MROH2B: variants seen among roughly 807,000 people sequenced by gnomAD.
The protein encoded by MROH2B is maestro heat like repeat family member 2B.
Under a neutral mutation model 208.6 loss-of-function variants are expected in MROH2B, and 177 were observed. The ratio of observed to expected loss-of-function variants is 0.85; its 90% confidence interval spans 0.75 to 0.96. The LOEUF (loss-of-function observed/expected upper bound fraction) is 0.96. MROH2B is among the 40% of genes least tolerant of loss of function. MROH2B has a pLI of 0.00. For synonymous variants in MROH2B, 728 were observed against 659.0 expected (o/e 1.10, Z -1.60); for missense variants, 2,002 against 1,878.7 (o/e 1.07, Z -1.21).
intron 35 of MROH2B, 137 bp from the exon 36 acceptor site, chr5:41,005,057 C>A: frequency 8.3e-7 from 1 of 1,206,808 alleles, no homozygotes; most frequent in Non-Finnish European, 1.1e-6. Context: ...CTCTGGTGAA[C>A]CAGCAAGCCT....
At chr5:41,002,311 T>C (rs1741422554) in intron 37 of MROH2B, among the ~76,000 whole-genome samples, 1 of 152,168 alleles carries the variant, frequency 6.6e-6, no homozygotes. Context: ...TCTAGTCCAA[T>C]GTCCTCATGT....
At chr5:41,032,632 G>A in intron 24 of MROH2B, 110 bp downstream of exon 24, 1 of 843,972 alleles carries the variant, frequency 1.2e-6, no homozygotes, top group Non-Finnish European at 1.9e-6. Context: ...AATGAACTGT[G>A]TTCAGTTTTG....
At position 41,018,881 on chromosome 5, in the gene MROH2B, A is replaced by T. The variant is rs754499181; in HGVS notation, c.2577+2T>A. On this transcript the variant is annotated splice_donor_variant, in intron 25 of 41. Transcript: ENST00000399564. LOFTEE classifies it high-confidence loss of function. ...TCCTACTTAGGCCTCACTAGTGCAT[A>T]CTTGAATGTGCTCCTTGTCCTTGTC... 1.2e-6 allele frequency: 2 copies of T among 1,613,786 alleles called. No homozygotes were observed. Among genetic ancestry groups the T allele is most frequent in the African/African-American group, 2.7e-5 (2 of 74,924 alleles).
At chr5:41,067,057 G>T in intron 3 of MROH2B, 51 bp downstream of exon 3, 2 of 980,360 alleles carry the variant, frequency 2.0e-6, no homozygotes, top group South Asian at 1.4e-5. Context: ...GTCCACATGG[G>T]TGCAGTTGGG....
At chr5:41,065,285 G>T in intron 4 of MROH2B, 46 bp downstream of exon 4, 1 of 1,551,302 alleles carries the variant, frequency 6.4e-7, no homozygotes, top group Admixed American at 1.9e-5. Flanking sequence ...TAGACAATTA[G>T]AAGTTGTCAT....
intron 24 of MROH2B, among the ~76,000 whole-genome samples, chr5:41,024,239 C>T (rs1742265116): frequency 6.6e-6 from 1 of 152,128 alleles, no homozygotes; most frequent in African/African-American, 2.4e-5. Flanking sequence ...CACAGACTGG[C>T]AAATTGGATA....
chr5:41,071,104 TG>T lies in MROH2B; in HGVS notation c.-253del. ...TCTGAACTCCTGCTAACCAACAAAA[TG>T]GCTGCATCTCACCAAATATTGTCCC... On this transcript the variant is annotated 5_prime_UTR_variant, in exon 1 of 42. An upstream open reading frame in the 5' UTR gains an earlier in-frame stop. Coordinates refer to ENST00000399564, the MANE Select transcript of MROH2B (RefSeq NM_173489.5). 2.3e-6 allele frequency: 1 copy of T among 438,370 alleles called. No homozygotes were observed. Among genetic ancestry groups the T allele is most frequent in the South Asian group, 4.1e-5 (1 of 24,580 alleles). 27.2% of individuals were successfully genotyped at this position (438,370 alleles called of 1,614,324 possible).
chr5:41,025,327 A>T (rs1742314785), intron 24 of MROH2B, among the ~76,000 whole-genome samples: 1 of 152,170 alleles, frequency 6.6e-6, no homozygotes, highest in Non-Finnish European at 1.5e-5. Context: ...AATCAAACAG[A>T]CACAATAAAA....
intron 10 of MROH2B, among the ~76,000 whole-genome samples, chr5:41,055,501 C>A (rs1309200784): frequency 7.9e-6 from 1 of 126,886 alleles, no homozygotes; most frequent in East Asian, 2.6e-4. Flanking sequence ...CTTTAATTCT[C>A]AAAAATTCTA....
intron 39 of MROH2B, 65 bp from the exon 40 acceptor site, chr5:40,999,844 T>C (rs1741329411): frequency 3.5e-6 from 5 of 1,448,804 alleles, no homozygotes; most frequent in Admixed American, 3.6e-5. Context: ...TTTGGCATCC[T>C]ATAGGTCCTC....
At chr5:41,001,349 C>T (rs1741390816) in intron 37 of MROH2B, among the ~76,000 whole-genome samples, 1 of 152,110 alleles carries the variant, frequency 6.6e-6, no homozygotes, top group Admixed American at 6.5e-5. Flanking sequence ...GTGCCTAGCT[C>T]TACTCTTGAG....
rs1468760952 is a variant in MROH2B at position 41,070,827 on chromosome 5, A to G, written c.26T>C (p.Ile9Thr). MTLSTEES[I>T]EMFGDINLTL... Reference sequence around the variant, plus strand: ...TCTCAGGATCTGATGATGCTTACCTATGGATTCCTCTGTACTAAGTGTCAT... The same window carrying G: ...TCTCAGGATCTGATGATGCTTACCTGTGGATTCCTCTGTACTAAGTGTCAT... The change falls in exon 1 of 42, where the codon ATA (isoleucine) becomes ACA (threonine). Residue 9 changes from isoleucine to threonine, a missense_variant and splice_region_variant. Transcript: ENST00000399564. The G allele has an allele frequency of 1.9e-6, 3 of 1,610,840 alleles. No individual in the cohort carries two copies. Among genetic ancestry groups the G allele is most frequent in the Admixed American group, 1.7e-5 (1 of 59,548 alleles).
At chr5:41,067,886 T>A (rs1481047933) in intron 2 of MROH2B, among the ~76,000 whole-genome samples, 4 of 152,142 alleles carry the variant, frequency 2.6e-5, no homozygotes, top group Non-Finnish European at 4.4e-5. Context: ...GCCCTTACTA[T>A]CAGGGAGTGA....
At chr5:41,040,000 C>T (rs921465636) in intron 19 of MROH2B, among the ~76,000 whole-genome samples, 2 of 152,144 alleles carry the variant, frequency 1.3e-5, no homozygotes, top group African/African-American at 2.4e-5. Flanking sequence ...GCAAAGCTCC[C>T]GAAGTCCACT....
intron 24 of MROH2B, among the ~76,000 whole-genome samples, chr5:41,024,564 A>G (rs1008230290): frequency 6.6e-6 from 1 of 152,196 alleles, no homozygotes. Flanking sequence ...AAAGAGACTT[A>G]GACTCCCACA....
At chr5:41,034,657 A>G (rs1037397823) in intron 21 of MROH2B, among the ~76,000 whole-genome samples, 2 of 152,162 alleles carry the variant, frequency 1.3e-5, no homozygotes, top group African/African-American at 4.8e-5. Flanking sequence ...TTTTTAAAAA[A>G]AGATTCCTAT....
At chr5:41,019,621 C>T (rs1358835214) in intron 24 of MROH2B, among the ~76,000 whole-genome samples, 3 of 152,074 alleles carry the variant, frequency 2.0e-5, no homozygotes, top group Non-Finnish European at 4.4e-5. Context: ...ATGTTCAATA[C>T]CCATGAAAAA....
chr5:41,000,543 T>A (rs1380284426), intron 38 of MROH2B, 135 bp downstream of exon 38: 1 of 1,339,292 alleles, frequency 7.5e-7, no homozygotes, highest in East Asian at 2.5e-5. Flanking sequence ...GAACCTAGAA[T>A]TGGAGAAGAG....
At position 41,049,107 on chromosome 5, in the gene MROH2B, T is replaced by C. The variant is rs576920611; in HGVS notation, c.1536A>G (p.Arg512=). ...KLPSPQQLLA[R]LLVISMPASL... Reference sequence around the variant, plus strand: ...TTCTTAGTAACTCACTCACCAGAAGTCTGGCCAGTAGCTGCTGTGGTGAAG... The same window carrying C: ...TTCTTAGTAACTCACTCACCAGAAGCCTGGCCAGTAGCTGCTGTGGTGAAG... Residue 512 remains arginine (R), a synonymous_variant, in exon 15 of 42, where the codon AGA becomes AGG. Coordinates refer to ENST00000399564, the MANE Select transcript of MROH2B (RefSeq NM_173489.5). 3.8e-6 allele frequency: 6 copies of C among 1,597,484 alleles called. No individual in the cohort carries two copies. The African/African-American group carries it at 8.0e-5, about 21-fold the overall frequency.
Sources: gnomAD v4.1 joint callset for allele counts (sites outside exome capture counted in the v4.1 genomes callset) on GRCh38, gnomAD v4.1.1 for gene constraint, MANE v1.5 for transcripts, NCBI Gene and HGNC (gene_info 2026-07-23, HGNC 2026-07-21) for gene names.